The following KCNMA1 variants were observed in gnomAD, a reference collection of about 807,000 sequenced individuals.
KCNMA1 encodes the protein Calcium-activated potassium channel subunit alpha-1.
KCNMA1 carries 29 observed loss-of-function variants against 140.0 expected under a neutral mutation model. The ratio of observed to expected loss-of-function variants is 0.21; its 90% confidence interval spans 0.15 to 0.28. The LOEUF (loss-of-function observed/expected upper bound fraction) is 0.28. KCNMA1 is among the 10% of genes least tolerant of loss of function. KCNMA1 has a pLI of 1.00. For synonymous variants in KCNMA1, 612 were observed against 611.9 expected (o/e 1.00, Z 0.00); for missense variants, 880 against 1,602.2 (o/e 0.55, Z 7.70).
At chr10:77,498,933 C>T (rs1307350705) in intron 1 of KCNMA1, 2 of 152,232 alleles carry the variant, frequency 1.3e-5, no homozygotes, top group African/African-American at 4.8e-5. Flanking sequence ...AGTCAGTACC[C>T]AGATGAGGCT....
In KCNMA1 at chr10:76,885,219, A is replaced by AAT. The variant is rs1167373326; in HGVS notation, c.*2046_*2047insAT. 9.7e-6 allele frequency: 5 copies of AAT among 514,866 alleles called. No individual in the cohort carries two copies. The highest frequency in any genetic ancestry group is 1.3e-5 in the Non-Finnish European group (5 of 398,718). 31.9% of individuals were successfully genotyped at this position (514,866 alleles called of 1,614,324 possible). ...CATATATATAGTTATATATATAGTTATATATATATAATTATATAGTTATAT... is the reference window on the plus strand; with the variant it reads ...CATATATATAGTTATATATATAGTTAATTATATATATAATTATATAGTTATAT... On this transcript the variant is annotated 3_prime_UTR_variant, in exon 28 of 28. Transcript: ENST00000286628.
chr10:77,556,232 G>A (rs1260602451), intron 1 of KCNMA1, among the ~76,000 whole-genome samples: 1 of 152,092 alleles, frequency 6.6e-6, no homozygotes, highest in Non-Finnish European at 1.5e-5. Flanking sequence ...AGGGTCAGGC[G>A]CGGTGGCTCA....
chr10:77,106,513 C>T (rs1420781114), intron 9 of KCNMA1, among the ~76,000 whole-genome samples: 2 of 147,964 alleles, frequency 1.4e-5, no homozygotes, highest in Non-Finnish European at 3.0e-5. Flanking sequence ...AGCTCACCCA[C>T]ATTTGACTAG....
chr10:77,192,718 C>T (rs1172892748), intron 3 of KCNMA1, among the ~76,000 whole-genome samples: 4 of 152,080 alleles, frequency 2.6e-5, no homozygotes, highest in South Asian at 2.1e-4. Context: ...GTAGAAAATG[C>T]CCCCAAAAGG....
At position 77,096,508 on chromosome 10, in the gene KCNMA1, G is replaced by A. The variant is rs553272935; in HGVS notation, c.1224-5998C>T. 4.6e-5 allele frequency among the ~76,000 whole-genome samples: 7 copies of A among 152,278 alleles called. No individual in the cohort carries two copies. The South Asian group carries it at 1.2e-3, about 27-fold the overall frequency. On this transcript the variant is annotated intron_variant, in intron 9 of 27. Transcript: ENST00000286628. ...AAGGGATGGCAGCAAATCCTACTGC[G>A]ATCAGGTTCTGCGAGGGCGGGGAGG...
intron 25 of KCNMA1, chr10:76,902,685 T>C (rs1250522185): frequency 6.6e-6 from 1 of 152,180 alleles, no homozygotes; most frequent in Non-Finnish European, 1.5e-5. Context: ...AGTACAGATT[T>C]CCAAATCCAA....
At chr10:77,564,271 C>T (rs117584085) in intron 1 of KCNMA1, among the ~76,000 whole-genome samples, 65 of 152,274 alleles carry the variant, frequency 4.3e-4, no homozygotes, top group Non-Finnish European at 7.9e-4. Context: ...TCTCACCACG[C>T]TGATCAAAGG....
intron 1 of KCNMA1, among the ~76,000 whole-genome samples, chr10:77,421,216 C>T (rs757402327): frequency 6.6e-6 from 1 of 152,188 alleles, no homozygotes; most frequent in Non-Finnish European, 1.5e-5. Flanking sequence ...TTTCCTTTTC[C>T]TGTAACAACC....
chr10:77,567,153 G>A (rs2068626055), intron 1 of KCNMA1, among the ~76,000 whole-genome samples: 1 of 152,142 alleles, frequency 6.6e-6, no homozygotes, highest in African/African-American at 2.4e-5. Flanking sequence ...AACAGATTGG[G>A]CCCTGAGCCC....
Position 76,942,705 on chromosome 10 carries a change from C to G in KCNMA1, c.2902+2068G>C, listed in dbSNP as rs1377032852. Among the ~76,000 whole-genome samples, 4 of 152,318 alleles carry G rather than the reference C, an allele frequency of 2.6e-5. No individual in the cohort carries two copies. In the East Asian group the frequency reaches 7.7e-4, roughly 29 times the overall value. On this transcript the variant is annotated intron_variant, in intron 23 of 27. Coordinates refer to ENST00000286628, the MANE Select transcript of KCNMA1 (RefSeq NM_001161352.2). ...TGTAACTAAATTATACACTGACATT[C>G]TAATCTGTGGCCCTGGAAAATCATG...
intron 1 of KCNMA1, among the ~76,000 whole-genome samples, chr10:77,404,959 C>T (rs1370506066): frequency 6.6e-6 from 1 of 152,230 alleles, no homozygotes. Context: ...CTACTGATGT[C>T]ATCATTTGAA....
At chr10:77,009,220 G>A (rs1053476466) in intron 18 of KCNMA1, among the ~76,000 whole-genome samples, 1 of 152,104 alleles carries the variant, frequency 6.6e-6, no homozygotes, top group African/African-American at 2.4e-5. Context: ...TTGGTGCAGT[G>A]CATAATGGGA....
At chr10:76,986,213 TAAC>T (rs924713570) in intron 19 of KCNMA1, among the ~76,000 whole-genome samples, 10 of 152,160 alleles carry the variant, frequency 6.6e-5, no homozygotes, top group South Asian at 4.1e-4. Context: ...ATTTAATCTC[TAAC>T]AACAACAACA....
chr10:77,358,812 T>TCCAA (rs1366474736), intron 2 of KCNMA1, among the ~76,000 whole-genome samples: 1 of 152,232 alleles, frequency 6.6e-6, no homozygotes, highest in African/African-American at 2.4e-5. Context: ...ATAAAACATG[T>TCCAA]CCAAGGTCCT....
chr10:77,527,601 C>G (rs2056249413), intron 1 of KCNMA1, among the ~76,000 whole-genome samples: 1 of 152,188 alleles, frequency 6.6e-6, no homozygotes, highest in African/African-American at 2.4e-5. Flanking sequence ...TGTCTCTTCT[C>G]TGTGTCTCTT....
intron 9 of KCNMA1, among the ~76,000 whole-genome samples, chr10:77,093,700 G>T (rs1169127392): frequency 6.6e-6 from 1 of 152,184 alleles, no homozygotes; most frequent in East Asian, 1.9e-4. Flanking sequence ...GCAGGAAGAA[G>T]AGAACTAGAA....
Position 77,001,519 on chromosome 10 carries a change from C to G in KCNMA1, c.2154G>C (p.Glu718Asp). ...RACCFDCGRS[E>D]RDCSCMSGRV... The stretch of plus-strand genomic sequence containing the variant: ...GGCCTGACATGCATGAGCAGTCACG[C>G]TCAGAACGTCCGCAATCAAAACAAC... Residue 718 changes from glutamate to aspartate, a missense_variant, in exon 19 of 28, where the codon GAG becomes GAC. Physicochemically the swap from Glu to Asp is conservative, Grantham distance 45. Around this residue, in one of 13 missense-constraint regions of KCNMA1, gnomAD observed 196 missense variants for 233.0 expected, o/e 0.84. Transcript: ENST00000286628. 6.4e-7 allele frequency: 1 copy of G among 1,552,190 alleles called. No homozygotes were observed. Among genetic ancestry groups the G allele is most frequent in the Non-Finnish European group, 8.7e-7 (1 of 1,147,052 alleles).
At chr10:77,391,886 C>T (rs936324973) in intron 2 of KCNMA1, among the ~76,000 whole-genome samples, 4 of 151,740 alleles carry the variant, frequency 2.6e-5, no homozygotes, top group Non-Finnish European at 5.9e-5. Context: ...ATTTTTGAGT[C>T]TCCCTGCTAA....
At position 77,595,524 on chromosome 10, in the gene KCNMA1, G is replaced by C. The variant is rs201536833; in HGVS notation, c.378+41741C>G. Among the ~76,000 whole-genome samples, 19 of 152,220 alleles carry C rather than the reference G, an allele frequency of 1.2e-4. No individual in the cohort carries two copies. The East Asian group carries it at 3.7e-3, about 29-fold the overall frequency. ...GTTCAACCTGTTTGTGGAACAGTCA[G>C]TACAGCACACACCAAAATGCAGCTC... On this transcript the variant is annotated intron_variant, in intron 1 of 27. Coordinates refer to ENST00000286628, the MANE Select transcript of KCNMA1 (RefSeq NM_001161352.2).
Sources: gnomAD v4.1 joint callset for allele counts (sites outside exome capture counted in the v4.1 genomes callset) on GRCh38, gnomAD v4.1.1 for gene constraint, gnomAD v4.1.1 regional missense constraint, MANE v1.5 for transcripts, NCBI Gene and HGNC (gene_info 2026-07-23, HGNC 2026-07-21) for gene names.